The following SP4 variants were observed in gnomAD, a reference collection of about 807,000 sequenced individuals.
SP4 encodes the protein Sp4 transcription factor, also known as transcription factor Sp4.
A neutral mutation model predicts 72.8 loss-of-function variants in SP4; 19 were observed. That is an observed-to-expected ratio of 0.26 (90% CI 0.18 to 0.38). The LOEUF (loss-of-function observed/expected upper bound fraction) is 0.38. Among genes scored for constraint, SP4 ranks in the 10% least tolerant of loss-of-function variants. The probability of loss-of-function intolerance (pLI) is 1.00; values close to 1 mark genes in which losing one functional copy is unlikely to be tolerated. For missense variants in SP4, 1,008 were observed against 926.3 expected, an observed-to-expected ratio of 1.09 and a Z score of -1.14; for synonymous variants, 395 against 333.1, an observed-to-expected ratio of 1.19 and a Z score of -2.02.
At chr7:21,428,922 A>G (rs1782727804) in intron 2 of SP4, 130 bp downstream of exon 2, 1 of 754,424 alleles carries the variant, frequency 1.3e-6, no homozygotes, top group Non-Finnish European at 2.1e-6. Flanking sequence ...AGAGTGTGGA[A>G]CTTAAATTGT....
rs138419614 is a variant in SP4 at position 21,438,700 on chromosome 7, GAA to G, written c.1678+7863_1678+7864del. Among the ~76,000 whole-genome samples, 1,416 of 152,062 alleles carry G rather than the reference GAA, an allele frequency of 9.3e-3. 24 individuals are homozygous for G. The highest frequency in any genetic ancestry group is 0.032 in the African/African-American group (1,319 of 41,486). ...CAAAAATGTTAAATGGAATATTCTA[GAA>G]AAAAACAATTTACAAGTTTTAAATT... On this transcript the variant is annotated intron_variant, in intron 3 of 5. Coordinates refer to ENST00000222584, the MANE Select transcript of SP4 (RefSeq NM_003112.5).
intron 3 of SP4, among the ~76,000 whole-genome samples, chr7:21,445,979 CTTATGTGT>C (rs376886072): frequency 6.0e-4 from 78 of 129,542 alleles, no homozygotes; most frequent in African/African-American, 2.3e-3. Context: ...TTTTGTGTAT[CTTATGTGT>C]ATGTGTGTGT....
At position 21,429,870 on chromosome 7, in the gene SP4, T is replaced by C; in HGVS notation, c.705T>C (p.Pro235=). 6.2e-7 allele frequency: 1 copy of C among 1,614,166 alleles called. No individual in the cohort carries two copies. Among genetic ancestry groups the C allele is most frequent in the East Asian group, 2.2e-5 (1 of 44,880 alleles). Residue 235 remains proline, a synonymous_variant, in exon 3 of 6, where the codon CCT becomes CCC. Transcript: ENST00000222584. ...AGACAGTTCCGGTCCAAATTAGACC[T>C]GGTGTTTCAATACCACTGCAGTTAC... ...ANQTVPVQIR[P]GVSIPLQLQT... is the part of the protein sequence containing the mutation.
In SP4 at chr7:21,462,870, T is replaced by C. The variant is rs181707516; in HGVS notation, c.1679-14209T>C. On this transcript the variant is annotated intron_variant, in intron 3 of 5. Coordinates refer to ENST00000222584, the MANE Select transcript of SP4 (RefSeq NM_003112.5). The stretch of plus-strand genomic sequence containing the variant: ...TTGACTTGAGAGTATTGAGAAAAGT[T>C]CAGCAGGTTTTGTGTTTGAATCATT... 2.6e-3 allele frequency among the ~76,000 whole-genome samples: 395 copies of C among 152,316 alleles called. 4 individuals are homozygous for C. The highest frequency in any genetic ancestry group is 7.8e-3 in the African/African-American group (323 of 41,556).
intron 2 of SP4, 50 bp from the exon 3 acceptor site, chr7:21,429,239 G>C: frequency 9.4e-7 from 1 of 1,066,846 alleles, no homozygotes; most frequent in Non-Finnish European, 1.3e-6. Context: ...CACTAAATCC[G>C]CCCACTTTTT....
intron 3 of SP4, among the ~76,000 whole-genome samples, chr7:21,463,220 C>T (rs936713960): frequency 2.0e-5 from 3 of 151,684 alleles, no homozygotes; most frequent in Admixed American, 1.3e-4. Flanking sequence ...GGTGACTTCT[C>T]AGTAAATTAG....
chr7:21,508,147 G>A (rs2128417466), intron 5 of SP4, among the ~76,000 whole-genome samples: 1 of 152,160 alleles, frequency 6.6e-6, no homozygotes, highest in South Asian at 2.1e-4. Flanking sequence ...GGACAGAGTG[G>A]GCCACCCAAA....
chr7:21,475,056 T>C (rs1473829867), intron 3 of SP4, among the ~76,000 whole-genome samples: 1 of 152,098 alleles, frequency 6.6e-6, no homozygotes, highest in Non-Finnish European at 1.5e-5. Context: ...CCCCATACAT[T>C]TAAGGTACTA....
At chr7:21,455,909 G>C (rs550618641) in intron 3 of SP4, among the ~76,000 whole-genome samples, 1 of 152,280 alleles carries the variant, frequency 6.6e-6, no homozygotes, top group South Asian at 2.1e-4. Flanking sequence ...TGAGAAGCCT[G>C]CTTTTCCAGC....
chr7:21,429,812 C>T lies in SP4; in HGVS notation c.647C>T (p.Ser216Phe). 2 of 1,614,224 alleles carry T rather than the reference C, an allele frequency of 1.2e-6. No homozygotes were observed. The highest frequency in any genetic ancestry group is 1.7e-6 in the Non-Finnish European group (2 of 1,180,040). ...AILTAANRTA[S>F]GNILAQNLAN... ...CTCACAGCTGCTAACAGGACAGCTT[C>T]TGGGAATATTCTTGCTCAAAACCTG... Residue 216 changes from serine to phenylalanine, a missense_variant, in exon 3 of 6, where the codon TCT becomes TTT. This residue lies in a region of SP4 where 893 missense variants were observed against 743.3 expected (regional missense o/e 1.20). Transcript: ENST00000222584.
chr7:21,490,917 G>A (rs1489547685), intron 5 of SP4, among the ~76,000 whole-genome samples: 1 of 152,220 alleles, frequency 6.6e-6, no homozygotes, highest in African/African-American at 2.4e-5. Flanking sequence ...ACCTAAACGG[G>A]TTGAGTGCCT....
intron 5 of SP4, among the ~76,000 whole-genome samples, chr7:21,505,133 A>G (rs189044698): frequency 3.3e-5 from 5 of 152,234 alleles, no homozygotes; most frequent in East Asian, 1.9e-4. Context: ...TCTTTTGATC[A>G]TATGAGTCAA....
In SP4 at chr7:21,433,852, A is replaced by G. The variant is rs533733076; in HGVS notation, c.1678+3009A>G. ...CTACTCAGGAGGCTGAGGCAGGAGA[A>G]TCACTTGAACCCAGGAGGTGGAGGT... On this transcript the variant is annotated intron_variant, in intron 3 of 5. Coordinates refer to ENST00000222584, the MANE Select transcript of SP4 (RefSeq NM_003112.5). Among the ~76,000 whole-genome samples the G allele has an allele frequency of 2.5e-3, 388 of 152,272 alleles. 4 individuals carry two copies. Among genetic ancestry groups the G allele is most frequent in the East Asian group, 9.7e-4 (5 of 5,176 alleles).
chr7:21,477,457 G>T (rs1784535687), intron 4 of SP4, 150 bp downstream of exon 4: 3 of 624,078 alleles, frequency 4.8e-6, no homozygotes, highest in Admixed American at 5.5e-5. Context: ...AATTAAGTTG[G>T]GCTATTTTAG....
chr7:21,430,963 C>T (rs1782831809), intron 3 of SP4, 120 bp downstream of exon 3: 3 of 675,318 alleles, frequency 4.4e-6, no homozygotes, highest in Admixed American at 2.9e-5. Context: ...TCATAAGGAA[C>T]CAGAAATAGC....
chr7:21,430,303 C>T lies in SP4; in HGVS notation c.1138C>T (p.Pro380Ser). 6.2e-7 allele frequency: 1 copy of T among 1,614,192 alleles called. No homozygotes were observed. Among genetic ancestry groups the T allele is most frequent in the Non-Finnish European group, 8.5e-7 (1 of 1,180,026 alleles). Residue 380 changes from proline (P) to serine (S), a missense_variant, in exon 3 of 6, where the codon CCT becomes TCT. Pro to Ser is a moderately conservative substitution (Grantham distance 74). This residue lies in a region of SP4 where 893 missense variants were observed against 743.3 expected (regional missense o/e 1.20). Coordinates refer to ENST00000222584, the MANE Select transcript of SP4 (RefSeq NM_003112.5). ...AGCCCAGAGCTCCAGTCAGCTTCAG[C>T]CTAATGGAATGCAGAATGCACAGGA... The part of the protein sequence containing the change: ...SEAQSSSQLQ[P>S]NGMQNAQDQS...
chr7:21,460,726 C>G (rs558449744), intron 3 of SP4, among the ~76,000 whole-genome samples: 1 of 152,264 alleles, frequency 6.6e-6, no homozygotes, highest in East Asian at 1.9e-4. Flanking sequence ...CTGAGCTAGA[C>G]ACAAAAGTTC....
chr7:21,483,774 A>T (rs987402455), intron 5 of SP4, among the ~76,000 whole-genome samples: 2 of 151,246 alleles, frequency 1.3e-5, no homozygotes, highest in African/African-American at 2.4e-5. Context: ...TTTTTGGGCA[A>T]TTTTCCTTCT....
chr7:21,500,245 T>C (rs1184086583), intron 5 of SP4, among the ~76,000 whole-genome samples: 1 of 152,238 alleles, frequency 6.6e-6, no homozygotes, highest in East Asian at 1.9e-4. Context: ...TTTGGATATT[T>C]GTAATGAAGA....
Sources: allele counts gnomAD v4.1 joint callset (sites outside exome capture counted in the v4.1 genomes callset), GRCh38; gene constraint gnomAD v4.1.1; regional missense constraint gnomAD v4.1.1; transcripts MANE v1.5; gene names NCBI Gene and HGNC (gene_info 2026-07-23, HGNC 2026-07-21).